USP4: variants seen among roughly 807,000 people sequenced by gnomAD.
USP4 encodes ubiquitin carboxyl-terminal hydrolase 4.
In USP4, 72 loss-of-function variants were observed where a neutral mutation model predicts 118.2. The observed-to-expected ratio is 0.61, with a 90% CI of 0.50 to 0.74. USP4 has a LOEUF of 0.74. Ranked by LOEUF, USP4 falls within the 30% of genes least tolerant of loss-of-function variation. The pLI, the probability that USP4 is intolerant of heterozygous loss-of-function variation, is 0.00. For synonymous variants in USP4, 415 were observed against 440.4 expected, an observed-to-expected ratio of 0.94 and a Z score of 0.72; for missense variants, 1,037 against 1,185.7, an observed-to-expected ratio of 0.87 and a Z score of 1.84.
chr3:49,318,048 C>A (rs2047459593), intron 6 of USP4, among the ~76,000 whole-genome samples: 2 of 150,594 alleles, frequency 1.3e-5, no homozygotes, highest in South Asian at 4.2e-4. Flanking sequence ...GTTGGCCAGA[C>A]TGGTCTTGAA....
intron 2 of USP4, among the ~76,000 whole-genome samples, chr3:49,328,905 C>T (rs976616364): frequency 8.6e-5 from 13 of 151,432 alleles, no homozygotes; most frequent in African/African-American, 2.7e-4. Context: ...ATAGGCCAGG[C>T]GCAGTGGCTC....
intron 6 of USP4, among the ~76,000 whole-genome samples, chr3:49,315,024 T>C (rs1018951414): frequency 1.2e-4 from 19 of 152,066 alleles, no homozygotes; most frequent in Non-Finnish European, 2.5e-4. Flanking sequence ...GTTTTCATAG[T>C]AAATTCAATC....
intron 6 of USP4, chr3:49,317,444 C>G: frequency 4.7e-6 from 4 of 845,346 alleles, no homozygotes; most frequent in Non-Finnish European, 7.9e-6. Context: ...TTCTGCAGCG[C>G]CATGCCCTGC....
At position 49,284,867 on chromosome 3, in the gene USP4, A is replaced by G. The variant is rs2047076708; in HGVS notation, c.2253T>C (p.Tyr751=). 9 of 1,613,744 alleles carry G rather than the reference A, an allele frequency of 5.6e-6. No individual in the cohort carries two copies. In the African/African-American group the frequency reaches 8.0e-5, roughly 14 times the overall value. ...DWDSETRRLY[Y]DEQESEAYEK... ...GACCTACCTCAGATTCTTGCTCATC[A>G]TAGTAAAGTCTCCGAGTTTCACTGT... The change falls in exon 17 of 22, where the codon TAT becomes TAC. Residue 751 remains tyrosine (Y), a synonymous_variant. Coordinates refer to ENST00000265560, the MANE Select transcript of USP4 (RefSeq NM_003363.4).
At chr3:49,311,382 A>C (rs1238281140) in intron 7 of USP4, 132 bp downstream of exon 7, 2 of 978,720 alleles carry the variant, frequency 2.0e-6, no homozygotes, top group Non-Finnish European at 3.0e-6. Flanking sequence ...ATGGAGTGAG[A>C]AACTACATGT....
In USP4 at chr3:49,278,142, C is replaced by CTT; in HGVS notation, c.*149_*150dup. The CTT allele has an allele frequency of 7.3e-5, 49 of 673,450 alleles. No homozygotes were observed. Among genetic ancestry groups the CTT allele is most frequent in the Middle Eastern group, 4.8e-4 (1 of 2,062 alleles). 41.7% of individuals were successfully genotyped at this position (673,450 alleles called of 1,614,324 possible). A position where few individuals can be genotyped will look rare whatever the true frequency, so the allele number is the denominator to read the frequency against. ...TAGCTTCTTCTAGGTAAACGGTCTT[C>CTT]TTTTTTTTTTTTTGTTTCCTTCTGC... On this transcript the variant is annotated 3_prime_UTR_variant, in exon 22 of 22. Transcript: ENST00000265560.
chr3:49,286,870 G>C (rs202229832), intron 15 of USP4, among the ~76,000 whole-genome samples: 1 of 109,894 alleles, frequency 9.1e-6, no homozygotes, highest in African/African-American at 3.6e-5. Context: ...ATCTATCTGA[G>C]ATGGAGTCTC....
intron 8 of USP4, among the ~76,000 whole-genome samples, chr3:49,309,492 A>T (rs1265629929): frequency 1.3e-5 from 2 of 152,086 alleles, no homozygotes; most frequent in Non-Finnish European, 1.5e-5. Flanking sequence ...TCCTGGCCTC[A>T]AGCAATACTA....
Position 49,292,574 on chromosome 3 carries a change from A to G in USP4, c.1908T>C (p.Pro636=). 6.3e-7 allele frequency: 1 copy of G among 1,598,084 alleles called. No homozygotes were observed. The highest frequency in any genetic ancestry group is 8.5e-7 in the Non-Finnish European group (1 of 1,172,172). The change falls in exon 15 of 22, where the codon CCT becomes CCC. Residue 636 remains proline (P), a synonymous_variant. Coordinates refer to ENST00000265560, the MANE Select transcript of USP4 (RefSeq NM_003363.4). ...RISRYVKQPL[P]DEFGSSPLEP... is the part of the protein sequence containing the mutation. Reference sequence around the variant, plus strand: ...CCAAGGGTGAGCTGCCAAACTCATCAGGTAAAGGCTGTTTCACATAGCGGC... The same window carrying G: ...CCAAGGGTGAGCTGCCAAACTCATCGGGTAAAGGCTGTTTCACATAGCGGC...
chr3:49,324,777 GA>G lies in USP4; in HGVS notation c.634-15del. Reference sequence around the variant, plus strand: ...AATTACTAGCACCTGAGTGAAAGGGGAAACCAAATGAGGAGAGTTCAAACCA... The same window carrying G: ...AATTACTAGCACCTGAGTGAAAGGGGAACCAAATGAGGAGAGTTCAAACCA... On this transcript the variant is annotated splice_polypyrimidine_tract_variant and intron_variant, in intron 5 of 21. Transcript: ENST00000265560. The G allele has an allele frequency of 6.2e-7, 1 of 1,614,108 alleles. No homozygotes were observed. The highest frequency in any genetic ancestry group is 8.5e-7 in the Non-Finnish European group (1 of 1,179,982).
At chr3:49,311,412 C>A in intron 7 of USP4, 102 bp downstream of exon 7, 1 of 1,333,448 alleles carries the variant, frequency 7.5e-7, no homozygotes, top group Non-Finnish European at 1.0e-6. Context: ...CCATGAGGAA[C>A]TCTAACCCCA....
At chr3:49,311,816 G>A in intron 6 of USP4, 162 bp from the exon 7 acceptor site, 1 of 1,338,176 alleles carries the variant, frequency 7.5e-7, no homozygotes, top group Non-Finnish European at 9.6e-7. Flanking sequence ...CTTTATTTAA[G>A]TGAGAGTCCA....
chr3:49,278,477 AT>A (rs1325664916), intron 21 of USP4, 26 bp from the exon 22 acceptor site: 1 of 1,605,310 alleles, frequency 6.2e-7, no homozygotes, highest in Non-Finnish European at 8.5e-7. Flanking sequence ...GGGAAAGACC[AT>A]TCAGTGCTTG....
In USP4 at chr3:49,325,004, T is replaced by A; in HGVS notation, c.523A>T (p.Ile175Phe). ...AGCCGTGTTTCACGCTCCGCAGGGA[T>A]GTTGAATAGCTTCCGCATCTCTTTC... is the stretch of plus-strand genomic sequence containing the variant. ...IEKEMRKLFN[I>F]PAERETRLWN... Residue 175 changes from isoleucine to phenylalanine, a missense_variant, in exon 5 of 22, where the codon ATC (isoleucine) becomes TTC (phenylalanine). Coordinates refer to ENST00000265560, the MANE Select transcript of USP4 (RefSeq NM_003363.4). 3.7e-6 allele frequency: 6 copies of A among 1,614,002 alleles called. No homozygotes were observed. Among genetic ancestry groups the A allele is most frequent in the Non-Finnish European group, 4.2e-6 (5 of 1,180,008 alleles).
At chr3:49,299,793 C>T (rs550117938) in intron 11 of USP4, among the ~76,000 whole-genome samples, 1 of 152,322 alleles carries the variant, frequency 6.6e-6, no homozygotes, top group African/African-American at 2.4e-5. Context: ...CTGCTGCTCA[C>T]ACCTCTCATC....
At chr3:49,308,107 G>A (rs1006314154) in intron 8 of USP4, among the ~76,000 whole-genome samples, 6 of 152,114 alleles carry the variant, frequency 3.9e-5, no homozygotes, top group Non-Finnish European at 8.8e-5. Context: ...ATGCCTGATA[G>A]GACTGTCTGT....
intron 2 of USP4, among the ~76,000 whole-genome samples, chr3:49,332,035 G>A (rs1345987785): frequency 6.6e-6 from 1 of 151,956 alleles, no homozygotes; most frequent in African/African-American, 2.4e-5. Flanking sequence ...CACTTTGGGA[G>A]GTCAAGGCGG....
chr3:49,286,148 G>C lies in USP4; in HGVS notation c.2150C>G (p.Thr717Arg), dbSNP rs1038729264. 2.5e-6 allele frequency: 4 copies of C among 1,614,194 alleles called. No individual in the cohort carries two copies. Among genetic ancestry groups the C allele is most frequent in the Non-Finnish European group, 3.4e-6 (4 of 1,180,024 alleles). The stretch of plus-strand genomic sequence containing the variant: ...AGCTGCAAGTGAATTTATGTCAGCT[G>C]TTCCATAGGAGTTCACAAGACTGAA... ...FTFSLVNSYG[T>R]ADINSLAADG... Residue 717 changes from threonine (T) to arginine (R), a missense_variant, in exon 16 of 22, where the codon ACA (threonine) becomes AGA (arginine). By Grantham distance (71) the Thr-to-Arg change is moderately conservative (BLOSUM62 -1). Around this residue, in one of 3 missense-constraint regions of USP4, gnomAD observed 522 missense variants for 592.6 expected, o/e 0.88. Coordinates refer to ENST00000265560, the MANE Select transcript of USP4 (RefSeq NM_003363.4).
chr3:49,330,720 G>T (rs533128543), intron 2 of USP4, among the ~76,000 whole-genome samples: 2 of 152,092 alleles, frequency 1.3e-5, no homozygotes, highest in East Asian at 3.9e-4. Context: ...CTGGAGGCTG[G>T]AGGCCGGAGG....
Sources: allele counts gnomAD v4.1 joint callset (sites outside exome capture counted in the v4.1 genomes callset), GRCh38; gene constraint gnomAD v4.1.1; regional missense constraint gnomAD v4.1.1; transcripts MANE v1.5; gene names NCBI Gene and HGNC (gene_info 2026-07-23, HGNC 2026-07-21).